Variants in SMU1 observed in about 807,000 individuals in gnomAD.
SMU1 encodes the protein WD40 repeat-containing protein SMU1.
A neutral mutation model predicts 62.0 loss-of-function variants in SMU1; 2 were observed. The observed-to-expected ratio is 0.03, with a 90% CI of 0.01 to 0.10. The LOEUF (loss-of-function observed/expected upper bound fraction) is 0.10. Among genes scored for constraint, SMU1 ranks in the 10% least tolerant of loss-of-function variants. SMU1 has a pLI of 1.00. For synonymous variants in SMU1, 188 were observed against 212.4 expected (o/e 0.89, Z 1.00); for missense variants, 227 against 622.1 (o/e 0.36, Z 6.76).
At chr9:33,056,297 C>A (rs1393372203) in intron 8 of SMU1, 58 bp from the exon 9 acceptor site, 10 of 1,508,528 alleles carry the variant, frequency 6.6e-6, no homozygotes, top group Non-Finnish European at 7.2e-6. Flanking sequence ...ATGGTTGTGA[C>A]CAACGATTGA....
At chr9:33,056,336 A>G in intron 8 of SMU1, 97 bp from the exon 9 acceptor site, 1 of 1,232,094 alleles carries the variant, frequency 8.1e-7, no homozygotes, top group African/African-American at 1.5e-5. Context: ...ACAGAAGCTC[A>G]TGTTATAATA....
chr9:33,061,064 T>A (rs1382686600), intron 5 of SMU1, among the ~76,000 whole-genome samples: 1 of 152,204 alleles, frequency 6.6e-6, no homozygotes, highest in Non-Finnish European at 1.5e-5. Flanking sequence ...CAACCTTCAT[T>A]TAATGAAGTG....
Position 33,056,159 on chromosome 9 carries a change from T to C in SMU1, c.1076A>G (p.Gln359Arg). 3 of 1,613,570 alleles carry C rather than the reference T, an allele frequency of 1.9e-6. No individual in the cohort carries two copies. Among genetic ancestry groups the C allele is most frequent in the Non-Finnish European group, 2.5e-6 (3 of 1,179,688 alleles). ...SSFVNEATFTQDGHYIISASS... is the reference protein window; with the variant it reads ...SSFVNEATFTRDGHYIISASS... ...TGCACTAATAATGTAATGTCCATCTTGTGTAAATGTTGCTTCGTTAACAAA... is the reference window on the plus strand; with the variant it reads ...TGCACTAATAATGTAATGTCCATCTCGTGTAAATGTTGCTTCGTTAACAAA... Residue 359 changes from glutamine (Q) to arginine (R), a missense_variant, in exon 9 of 12, where the codon CAA (glutamine) becomes CGA (arginine). Physicochemically the swap from Gln to Arg is conservative, Grantham distance 43. Around this residue, in one of 5 missense-constraint regions of SMU1, gnomAD observed 98 missense variants for 195.9 expected, o/e 0.50. Coordinates refer to ENST00000397149, the MANE Select transcript of SMU1 (RefSeq NM_018225.3).
intron 4 of SMU1, among the ~76,000 whole-genome samples, chr9:33,065,937 A>G (rs577331207): frequency 4.6e-5 from 7 of 152,304 alleles, no homozygotes; most frequent in African/African-American, 1.7e-4. Flanking sequence ...AGATTTCTCT[A>G]TCCTCCACTC....
Position 33,047,364 on chromosome 9 carries a change from C to T in SMU1, c.1471G>A (p.Ala491Thr), listed in dbSNP as rs753017552. Reference sequence around the variant, plus strand: ...ATCAGGTTCTGATGAGGGTGATGTGCAATACCAATCACATCCTTCTCGTGC... The same window carrying T: ...ATCAGGTTCTGATGAGGGTGATGTGTAATACCAATCACATCCTTCTCGTGC... ...TVHEKDVIGI[A>T]HHPHQNLIAT... is the part of the protein sequence containing the mutation. Residue 491 changes from alanine to threonine, a missense_variant, in exon 12 of 12, where the codon GCA becomes ACA. By Grantham distance (58) the Ala-to-Thr change is moderately conservative. Transcript: ENST00000397149. 1.9e-6 allele frequency: 3 copies of T among 1,613,694 alleles called. No homozygotes were observed. Among genetic ancestry groups the T allele is most frequent in the Non-Finnish European group, 2.5e-6 (3 of 1,179,898 alleles).
chr9:33,068,051 AAATGT>A (rs1396943733), intron 4 of SMU1, among the ~76,000 whole-genome samples: 2 of 152,344 alleles, frequency 1.3e-5, no homozygotes, highest in Non-Finnish European at 2.9e-5. Flanking sequence ...AGGTGCCAGG[AAATGT>A]ATAAAGTGTT....
chr9:33,049,965 G>A (rs1163157204), intron 10 of SMU1, among the ~76,000 whole-genome samples: 1 of 152,066 alleles, frequency 6.6e-6, no homozygotes, highest in Non-Finnish European at 1.5e-5. Flanking sequence ...AAAATGAAAA[G>A]ACAAGCCATG....
At chr9:33,053,048 G>T in intron 10 of SMU1, 75 bp downstream of exon 10, 2 of 1,404,746 alleles carry the variant, frequency 1.4e-6, no homozygotes, top group Non-Finnish European at 2.0e-6. Flanking sequence ...TATTGGGAGG[G>T]TGGGCCTGGA....
At chr9:33,057,085 C>G (rs371528194) in intron 7 of SMU1, 121 bp from the exon 8 acceptor site, 3 of 959,574 alleles carry the variant, frequency 3.1e-6, no homozygotes, top group South Asian at 3.3e-5. Context: ...TAAAAATGCA[C>G]GCTAATAGCT....
At chr9:33,052,442 G>A (rs1171685095) in intron 10 of SMU1, among the ~76,000 whole-genome samples, 1 of 152,192 alleles carries the variant, frequency 6.6e-6, no homozygotes, top group Non-Finnish European at 1.5e-5. Flanking sequence ...CTGCGGACCA[G>A]CCATCTCAGC....
chr9:33,056,932 C>T lies in SMU1; in HGVS notation c.900G>A (p.Arg300=). The T allele has an allele frequency of 6.2e-7, 1 of 1,613,362 alleles. No homozygotes were observed. Among genetic ancestry groups the T allele is most frequent in the Non-Finnish European group, 8.5e-7 (1 of 1,179,724 alleles). ...VWKIQSGQCL[R]RFERAHSKGV... is the part of the protein sequence containing the mutation. ...CCTTACTGTGTGCCCTCTCAAATCTCCTTAAACATTGTCCACTCTGAATCT... is the reference window on the plus strand; with the variant it reads ...CCTTACTGTGTGCCCTCTCAAATCTTCTTAAACATTGTCCACTCTGAATCT... The change falls in exon 8 of 12, where the codon AGG becomes AGA. Residue 300 remains arginine (R), a synonymous_variant. Coordinates refer to ENST00000397149, the MANE Select transcript of SMU1 (RefSeq NM_018225.3).
intron 10 of SMU1, among the ~76,000 whole-genome samples, chr9:33,048,926 C>A (rs991952148): frequency 1.3e-5 from 2 of 152,134 alleles, no homozygotes; most frequent in South Asian, 2.1e-4. Flanking sequence ...TAACAAAATA[C>A]ATACAATATT....
chr9:33,074,855 C>T (rs993070099), intron 1 of SMU1, among the ~76,000 whole-genome samples: 13 of 151,094 alleles, frequency 8.6e-5, no homozygotes, highest in Admixed American at 5.3e-4. Context: ...CTGACTGCAG[C>T]CTGGGCCTCC....
At position 33,041,777 on chromosome 9, in the gene SMU1, C is replaced by T. The variant is rs1003327349; in HGVS notation, c.*5516G>A. The T allele has an allele frequency of 1.3e-5, 2 of 152,058 alleles. No individual in the cohort carries two copies. Among genetic ancestry groups the T allele is most frequent in the Non-Finnish European group, 2.9e-5 (2 of 68,014 alleles). The allele number at this position is 152,058 out of a possible 1,614,324, so 9.4% of individuals were successfully genotyped here. On this transcript the variant is annotated 3_prime_UTR_variant, in exon 12 of 12. Coordinates refer to ENST00000397149, the MANE Select transcript of SMU1 (RefSeq NM_018225.3). Reference sequence around the variant, plus strand: ...TTAAAAGGAATACTTTTTATACTTCCCCCAAATATGAAGCACTTTACTGTT... The same window carrying T: ...TTAAAAGGAATACTTTTTATACTTCTCCCAAATATGAAGCACTTTACTGTT...
At chr9:33,075,234 G>A (rs1270664688) in intron 1 of SMU1, among the ~76,000 whole-genome samples, 6 of 152,110 alleles carry the variant, frequency 3.9e-5, no homozygotes, top group African/African-American at 9.7e-5. Flanking sequence ...AAAATTAGCC[G>A]GGCATGGTGG....
chr9:33,048,287 AC>A, intron 10 of SMU1, 29 bp from the exon 11 acceptor site: 3 of 1,612,222 alleles, frequency 1.9e-6, no homozygotes, highest in Non-Finnish European at 2.5e-6. Flanking sequence ...CAAGAAAAAA[AC>A]ATCAGGATTA....
intron 8 of SMU1, among the ~76,000 whole-genome samples, 196 bp from the exon 9 acceptor site, chr9:33,056,435 G>A (rs1839304912): frequency 6.6e-6 from 1 of 152,114 alleles, no homozygotes; most frequent in Admixed American, 6.6e-5. Context: ...GAAAGAGGCT[G>A]GAAGAAAATA....
At chr9:33,049,599 C>T (rs1367669941) in intron 10 of SMU1, among the ~76,000 whole-genome samples, 1 of 152,246 alleles carries the variant, frequency 6.6e-6, no homozygotes. Flanking sequence ...AGCTAGACTT[C>T]ATTAAAATTA....
chr9:33,075,021 C>T (rs900554269), intron 1 of SMU1, among the ~76,000 whole-genome samples: 2 of 152,168 alleles, frequency 1.3e-5, no homozygotes, highest in Non-Finnish European at 2.9e-5. Flanking sequence ...GATCCATCCA[C>T]CTCAGCTTCC....
Sources: allele counts gnomAD v4.1 joint callset (sites outside exome capture counted in the v4.1 genomes callset), GRCh38; gene constraint gnomAD v4.1.1; regional missense constraint gnomAD v4.1.1; transcripts MANE v1.5; gene names NCBI Gene and HGNC (gene_info 2026-07-23, HGNC 2026-07-21).